The following DPYD variants were observed in gnomAD, a reference collection of about 807,000 sequenced individuals.
The protein encoded by DPYD is dihydropyrimidine dehydrogenase, also known as dihydropyrimidine dehydrogenase [NADP(+)].
In DPYD, 109 loss-of-function variants were observed where a neutral mutation model predicts 116.2. The observed-to-expected ratio is 0.94, with a 90% CI of 0.80 to 1.10. The LOEUF is 1.10. DPYD is among the 50% of genes least tolerant of loss of function. The pLI is 0.00. For synonymous variants in DPYD, 440 were observed against 432.0 expected, an observed-to-expected ratio of 1.02 and a Z score of -0.23; for missense variants, 1,302 against 1,254.5, an observed-to-expected ratio of 1.04 and a Z score of -0.57.
At chr1:97,599,964 G>C (rs1009654933) in intron 8 of DPYD, among the ~76,000 whole-genome samples, 13 of 149,120 alleles carry the variant, frequency 8.7e-5, no homozygotes, top group Middle Eastern at 3.6e-3. Flanking sequence ...AAGAATCGCT[G>C]CACCTGGGAG....
At chr1:97,486,832 T>A (rs1678667648) in intron 13 of DPYD, among the ~76,000 whole-genome samples, 1 of 152,060 alleles carries the variant, frequency 6.6e-6, no homozygotes, top group South Asian at 2.1e-4. Flanking sequence ...GTTTTCTTTT[T>A]TATATAAGCT....
At chr1:97,504,737 A>T (rs996489541) in intron 13 of DPYD, among the ~76,000 whole-genome samples, 1 of 152,060 alleles carries the variant, frequency 6.6e-6, no homozygotes, top group African/African-American at 2.4e-5. Flanking sequence ...AATATTTATC[A>T]ATTTAAAATT....
rs535750250 is a variant in DPYD, at chr1:97,316,011, A to G, written c.2059-9714T>C. Reference sequence around the variant, plus strand: ...TTTGATTCAGAACTTGCTCAAACTCACTATTGTGATGTGGGACTCTGGAAG... The same window carrying G: ...TTTGATTCAGAACTTGCTCAAACTCGCTATTGTGATGTGGGACTCTGGAAG... On this transcript the variant is annotated intron_variant, in intron 16 of 22. Transcript: ENST00000370192. Among the ~76,000 whole-genome samples, 91 of 152,010 alleles carry G rather than the reference A, an allele frequency of 6.0e-4. 1 individual carries two copies. Among genetic ancestry groups the G allele is most frequent in the Non-Finnish European group, 1.1e-3 (76 of 67,968 alleles).
At chr1:97,343,452 C>T (rs1408065204) in intron 16 of DPYD, among the ~76,000 whole-genome samples, 1 of 151,904 alleles carries the variant, frequency 6.6e-6, no homozygotes, top group East Asian at 1.9e-4. Flanking sequence ...ATTTAAAATA[C>T]AGAAAATGAA....
chr1:97,611,753 T>C lies in DPYD; in HGVS notation c.851-16587A>G, dbSNP rs747435704. On this transcript the variant is annotated intron_variant, in intron 8 of 22. Transcript: ENST00000370192. ...ATCTTTTACTACAGATTTTTTCATC[T>C]GCAAAACAAGAATAAGATCCTTAAT... 5.3e-5 allele frequency among the ~76,000 whole-genome samples: 8 copies of C among 152,012 alleles called. No homozygotes were observed. In the East Asian group the frequency reaches 9.6e-4, roughly 18 times the overall value.
At chr1:97,094,398 A>G (rs891944535) in intron 21 of DPYD, among the ~76,000 whole-genome samples, 1 of 152,186 alleles carries the variant, frequency 6.6e-6, no homozygotes, top group Non-Finnish European at 1.5e-5. Flanking sequence ...AATTCCAGGA[A>G]AGAATACGTA....
intron 8 of DPYD, among the ~76,000 whole-genome samples, chr1:97,656,959 T>C (rs564180426): frequency 8.8e-5 from 13 of 148,456 alleles, no homozygotes; most frequent in Non-Finnish European, 5.9e-5. Context: ...CTCTGCTGCA[T>C]GATTGTATTT....
intron 1 of DPYD, among the ~76,000 whole-genome samples, chr1:97,915,830 C>T (rs1674182553): frequency 6.6e-6 from 1 of 152,156 alleles, no homozygotes; most frequent in South Asian, 2.1e-4. Flanking sequence ...ATTTTGATCT[C>T]CTCTTTAGCT....
chr1:97,317,682 G>C lies in DPYD; in HGVS notation c.2059-11385C>G, dbSNP rs113909188. On this transcript the variant is annotated intron_variant, in intron 16 of 22. Transcript: ENST00000370192. ...TTTATAATTCCATATTGAAGTGAATGATTAACCAACACAGGGAGGAAGCTA... is the reference window on the plus strand; with the variant it reads ...TTTATAATTCCATATTGAAGTGAATCATTAACCAACACAGGGAGGAAGCTA... Among the ~76,000 whole-genome samples the C allele has an allele frequency of 8.9e-4, 136 of 152,058 alleles. 2 individuals carry two copies. Among genetic ancestry groups the C allele is most frequent in the African/African-American group, 3.1e-3 (127 of 41,526 alleles).
chr1:97,657,844 C>G (rs772734300), intron 8 of DPYD, among the ~76,000 whole-genome samples: 1 of 152,124 alleles, frequency 6.6e-6, no homozygotes, highest in Non-Finnish European at 1.5e-5. Flanking sequence ...AAATTCTTCT[C>G]AGAGACCATG....
At chr1:97,635,278 A>T (rs1657497523) in intron 8 of DPYD, among the ~76,000 whole-genome samples, 1 of 152,084 alleles carries the variant, frequency 6.6e-6, no homozygotes, top group South Asian at 2.1e-4. Flanking sequence ...AATTGTGGGA[A>T]TTCCATTCCC....
intron 8 of DPYD, among the ~76,000 whole-genome samples, chr1:97,622,957 G>T (rs190323955): frequency 1.3e-4 from 20 of 152,142 alleles, no homozygotes; most frequent in Non-Finnish European, 2.5e-4. Context: ...TTGCATATGT[G>T]AAGTTGAGAA....
In DPYD at chr1:97,452,580, C is replaced by T. The variant is rs561712034; in HGVS notation, c.1741-2357G>A. Among the ~76,000 whole-genome samples the T allele has an allele frequency of 9.9e-5, 15 of 152,160 alleles. 1 individual carries two copies. In the South Asian group the frequency reaches 2.9e-3, roughly 29 times the overall value. ...AAATCTCATGTTGAAATGTAATCCTCTGTGTTGGAGGTGGGGCCTGGTGGA... is the reference window on the plus strand; with the variant it reads ...AAATCTCATGTTGAAATGTAATCCTTTGTGTTGGAGGTGGGGCCTGGTGGA... On this transcript the variant is annotated intron_variant, in intron 13 of 22. Transcript: ENST00000370192.
intron 4 of DPYD, among the ~76,000 whole-genome samples, chr1:97,736,850 T>TTGTGTGTG (rs71590232): frequency 0.011 from 1,600 of 142,094 alleles, 24 homozygotes; most frequent in African/African-American, 0.032. Flanking sequence ...GTGTGTGCAT[T>TTGTGTGTG]TGTGTGTGTG....
chr1:97,169,923 C>T (rs1656601215), intron 20 of DPYD, among the ~76,000 whole-genome samples: 1 of 152,108 alleles, frequency 6.6e-6, no homozygotes, highest in African/African-American at 2.4e-5. Flanking sequence ...CACTTCACCC[C>T]AACCATGGTA....
intron 1 of DPYD, among the ~76,000 whole-genome samples, chr1:97,898,676 C>A (rs1444428258): frequency 6.6e-6 from 1 of 151,866 alleles, no homozygotes; most frequent in African/African-American, 2.4e-5. Context: ...CCAACCAAAC[C>A]CACCTTGAAC....
At chr1:97,473,200 A>C (rs1677756120) in intron 13 of DPYD, among the ~76,000 whole-genome samples, 1 of 152,198 alleles carries the variant, frequency 6.6e-6, no homozygotes, top group Admixed American at 6.5e-5. Flanking sequence ...TAAATTCCAC[A>C]AAGAAGTCAG....
At chr1:97,153,879 A>T (rs1229973684) in intron 20 of DPYD, among the ~76,000 whole-genome samples, 2 of 151,964 alleles carry the variant, frequency 1.3e-5, no homozygotes, top group African/African-American at 4.8e-5. Context: ...GCCAACAAGC[A>T]TATGGAAAAA....
chr1:97,735,263 T>C (rs1419804522), intron 4 of DPYD, among the ~76,000 whole-genome samples: 1 of 151,898 alleles, frequency 6.6e-6, no homozygotes, highest in Non-Finnish European at 1.5e-5. Flanking sequence ...TCAATGAACA[T>C]ACAAGGGAAC....
Sources: gnomAD v4.1 joint callset for allele counts (sites outside exome capture counted in the v4.1 genomes callset) on GRCh38, gnomAD v4.1.1 for gene constraint, MANE v1.5 for transcripts, NCBI Gene and HGNC (gene_info 2026-07-23, HGNC 2026-07-21) for gene names.